The following CFAP70 variants were observed in gnomAD, a reference collection of about 807,000 sequenced individuals.
CFAP70 encodes the protein cilia and flagella associated protein 70.
CFAP70 carries 81 observed loss-of-function variants against 137.6 expected under a neutral mutation model. The observed-to-expected ratio is 0.59, with a 90% CI of 0.49 to 0.71. The LOEUF is 0.71. Ranked by LOEUF, CFAP70 falls within the 30% of genes least tolerant of loss-of-function variation. The pLI, the probability that CFAP70 is intolerant of heterozygous loss-of-function variation, is 0.00. For synonymous variants in CFAP70, 382 were observed against 423.6 expected (o/e 0.90, Z 1.20); for missense variants, 976 against 1,226.7 (o/e 0.80, Z 3.05).
At chr10:73,321,281 G>A (rs1399886328) in intron 9 of CFAP70, among the ~76,000 whole-genome samples, 1 of 152,074 alleles carries the variant, frequency 6.6e-6, no homozygotes, top group Non-Finnish European at 1.5e-5. Flanking sequence ...AGCCGGGCGT[G>A]GTAGCATGCA....
chr10:73,346,693 A>G (rs1248505392), intron 4 of CFAP70, among the ~76,000 whole-genome samples: 1 of 152,154 alleles, frequency 6.6e-6, no homozygotes, highest in Admixed American at 6.6e-5. Flanking sequence ...CTATATCACT[A>G]GGGATATAAA....
At chr10:73,264,496 T>G (rs935385496) in intron 25 of CFAP70, among the ~76,000 whole-genome samples, 3 of 152,236 alleles carry the variant, frequency 2.0e-5, no homozygotes, top group Non-Finnish European at 4.4e-5. Flanking sequence ...AAGGTCATTC[T>G]ATCCTTCTTG....
At chr10:73,312,605 A>T (rs1321145944) in exon 10 of CFAP70, 1 of 1,604,620 alleles carries the variant, frequency 6.2e-7, no homozygotes, top group Non-Finnish European at 8.5e-7. Context: ...GAATCAAGTG[A>T]TGGCCAATAT....
chr10:73,297,115 T>G, exon 15 of CFAP70: 1 of 1,613,922 alleles, frequency 6.2e-7, no homozygotes, highest in Non-Finnish European at 8.5e-7. Context: ...AAGTTCCTCC[T>G]GGCTTTCAAA....
intron 26 of CFAP70, among the ~76,000 whole-genome samples, chr10:73,254,966 A>G (rs2044320263): frequency 1.3e-5 from 2 of 152,230 alleles, no homozygotes; most frequent in Non-Finnish European, 2.9e-5. Context: ...CTTGCAATTC[A>G]TAACTAATAG....
At position 73,301,066 on chromosome 10, in the gene CFAP70, A is replaced by C. The variant is rs1169738850; in HGVS notation, c.1257-1401T>G. Among the ~76,000 whole-genome samples, 5 of 152,348 alleles carry C rather than the reference A, an allele frequency of 3.3e-5. No individual in the cohort carries two copies. In the East Asian group the frequency reaches 9.6e-4, roughly 29 times the overall value. On this transcript the variant is annotated intron_variant, in intron 12 of 26. Coordinates refer to ENST00000310715, the Ensembl canonical transcript of CFAP70. ...TATGTCCCATAGAGAAAAATAATGC[A>C]GGAAGGCAGACAGACTCTATTGGGG... is the stretch of plus-strand genomic sequence containing the variant.
chr10:73,321,869 C>T (rs758677900), intron 9 of CFAP70, among the ~76,000 whole-genome samples: 6 of 152,078 alleles, frequency 3.9e-5, no homozygotes, highest in Non-Finnish European at 7.4e-5. Context: ...CTGTAACCTC[C>T]GCCTCCCAGG....
At chr10:73,345,209 C>G in intron 4 of CFAP70, 1 of 1,614,148 alleles carries the variant, frequency 6.2e-7, no homozygotes, top group Non-Finnish European at 8.5e-7. Context: ...TCAGTAAAGG[C>G]TCTGCCACTA....
chr10:73,317,392 G>A (rs999437190), intron 9 of CFAP70, among the ~76,000 whole-genome samples: 23 of 152,102 alleles, frequency 1.5e-4, no homozygotes, highest in Admixed American at 1.3e-3. Context: ...TTATTCCACT[G>A]CCTTCTGGCT....
chr10:73,290,501 T>C (rs2048097404), intron 19 of CFAP70, among the ~76,000 whole-genome samples: 1 of 152,242 alleles, frequency 6.6e-6, no homozygotes, highest in Non-Finnish European at 1.5e-5. Context: ...ATTGTGTACA[T>C]ATGTCAAAAT....
chr10:73,269,646 C>T, exon 25 of CFAP70: 1 of 1,613,708 alleles, frequency 6.2e-7, no homozygotes, highest in Non-Finnish European at 8.5e-7. Context: ...TATGCCCATA[C>T]TTCAGCATTG....
intron 8 of CFAP70, among the ~76,000 whole-genome samples, chr10:73,324,236 G>A (rs1348175818): frequency 5.9e-5 from 9 of 152,206 alleles, no homozygotes; most frequent in Non-Finnish European, 8.8e-5. Context: ...GGTCTGGAGT[G>A]GACCTCTAGC....
chr10:73,354,248 A>G (rs987602213), intron 2 of CFAP70, among the ~76,000 whole-genome samples: 1 of 152,264 alleles, frequency 6.6e-6, no homozygotes. Context: ...ACATGCACAC[A>G]TAGATACATT....
intron 23 of CFAP70, 119 bp from the exon 25 acceptor site, chr10:73,273,136 T>C: frequency 1.3e-6 from 1 of 789,058 alleles, no homozygotes; most frequent in African/African-American, 1.7e-5. Flanking sequence ...AGCAAGTCCT[T>C]TAATTGTACT....
chr10:73,276,603 C>G (rs577277231), intron 21 of CFAP70: 1 of 152,350 alleles, frequency 6.6e-6, no homozygotes, highest in South Asian at 2.1e-4. Flanking sequence ...CTTGCCTGCC[C>G]TTGAGTAGGG....
chr10:73,344,378 C>T (rs1466334659), intron 5 of CFAP70, among the ~76,000 whole-genome samples: 1 of 152,166 alleles, frequency 6.6e-6, no homozygotes, highest in Non-Finnish European at 1.5e-5. Flanking sequence ...AATACAATCT[C>T]AAAGTTGGAG....
chr10:73,304,755 A>G (rs2049237814), intron 12 of CFAP70, among the ~76,000 whole-genome samples: 1 of 151,848 alleles, frequency 6.6e-6, no homozygotes. Flanking sequence ...TCTTTCTTTG[A>G]GTATAATGCT....
chr10:73,349,112 A>C (rs1214009877), intron 3 of CFAP70, among the ~76,000 whole-genome samples: 1 of 152,010 alleles, frequency 6.6e-6, no homozygotes, highest in Non-Finnish European at 1.5e-5. Flanking sequence ...ACAAAGCTTC[A>C]TATAATATTA....
chr10:73,319,491 C>A (rs985937082), intron 9 of CFAP70, among the ~76,000 whole-genome samples: 10 of 152,200 alleles, frequency 6.6e-5, no homozygotes, highest in Admixed American at 6.5e-4. Context: ...ACATATCCTG[C>A]CCTTTTAAGC....
Sources: allele counts gnomAD v4.1 joint callset (sites outside exome capture counted in the v4.1 genomes callset), GRCh38; gene constraint gnomAD v4.1.1; transcripts MANE v1.5; gene names NCBI Gene and HGNC (gene_info 2026-07-23, HGNC 2026-07-21).